ZNF618: variants seen among roughly 807,000 people sequenced by gnomAD.
ZNF618 encodes neural precursor cell expressed, developmentally down-regulated 10.
ZNF618 carries 34 observed loss-of-function variants against 103.0 expected under a neutral mutation model. The observed-to-expected ratio is 0.33, with a 90% CI of 0.25 to 0.44. ZNF618 has a LOEUF of 0.44. ZNF618 is among the 20% of genes least tolerant of loss of function. The probability of loss-of-function intolerance (pLI) is 1.00; values close to 1 mark genes in which losing one functional copy is unlikely to be tolerated. For missense variants in ZNF618, 1,059 were observed against 1,295.4 expected (o/e 0.82, Z 2.80); for synonymous variants, 551 against 542.2 (o/e 1.02, Z -0.23).
chr9:114,033,754 C>T (rs1844318948), intron 12 of ZNF618, among the ~76,000 whole-genome samples: 2 of 152,192 alleles, frequency 1.3e-5, no homozygotes, highest in Admixed American at 1.3e-4. Context: ...ATTGTGGTTA[C>T]ATTAGGGGAA....
At chr9:113,900,454 C>A (rs1452149667) in intron 1 of ZNF618, among the ~76,000 whole-genome samples, 1 of 152,172 alleles carries the variant, frequency 6.6e-6, no homozygotes, top group East Asian at 1.9e-4. Flanking sequence ...TACAGGGATT[C>A]TTTCCTTCAT....
At chr9:114,001,256 G>A (rs1182262270) in intron 4 of ZNF618, among the ~76,000 whole-genome samples, 2 of 148,898 alleles carry the variant, frequency 1.3e-5, no homozygotes, top group Non-Finnish European at 3.0e-5. Context: ...CCTGCTCCTG[G>A]GAGAAGGGCC....
chr9:113,993,103 T>C (rs574210346), intron 3 of ZNF618, among the ~76,000 whole-genome samples: 3 of 152,144 alleles, frequency 2.0e-5, no homozygotes, highest in Non-Finnish European at 4.4e-5. Context: ...CCTGCACCCA[T>C]CTGACAGGCT....
chr9:113,967,798 T>C (rs1214865822), intron 1 of ZNF618, among the ~76,000 whole-genome samples: 18 of 152,072 alleles, frequency 1.2e-4, no homozygotes, highest in Non-Finnish European at 2.9e-5. Context: ...GGCTGGGTGA[T>C]TATAAGGCAA....
chr9:114,030,781 G>T (rs1173945321), intron 11 of ZNF618: 1 of 152,196 alleles, frequency 6.6e-6, no homozygotes, highest in African/African-American at 2.4e-5. Flanking sequence ...TTTCACCTCT[G>T]GTGCTGCATG....
chr9:114,030,609 C>T (rs980058804), intron 11 of ZNF618, among the ~76,000 whole-genome samples: 2 of 152,158 alleles, frequency 1.3e-5, no homozygotes, highest in Admixed American at 1.3e-4. Context: ...GTAGGGGTCA[C>T]CTCTGGATTC....
intron 10 of ZNF618, among the ~76,000 whole-genome samples, chr9:114,026,905 C>A (rs1162803261): frequency 1.3e-5 from 2 of 152,014 alleles, no homozygotes; most frequent in Non-Finnish European, 2.9e-5. Flanking sequence ...GAGGTATAGT[C>A]TCCAAGATTG....
intron 1 of ZNF618, among the ~76,000 whole-genome samples, chr9:113,924,191 A>G (rs532363592): frequency 2.0e-5 from 3 of 152,058 alleles, no homozygotes; most frequent in East Asian, 1.9e-4. Context: ...AGTTTCCTTT[A>G]TATTAATAGA....
chr9:113,985,887 A>G (rs749800392), intron 2 of ZNF618, among the ~76,000 whole-genome samples: 1 of 152,252 alleles, frequency 6.6e-6, no homozygotes, highest in Non-Finnish European at 1.5e-5. Context: ...AGGAATTAGT[A>G]TGTTAGAACA....
rs1588481484 is a variant in ZNF618, at chr9:114,055,698, C to G, written c.*5531C>G. 2.9e-5 allele frequency: 4 copies of G among 136,008 alleles called. No homozygotes were observed. The highest frequency in any genetic ancestry group is 2.3e-4 in the Admixed American group (3 of 12,782). The allele number at this position is 136,008 out of a possible 1,614,324, so 8.4% of individuals were successfully genotyped here. ...TCTCTCTCTTTGAGTGCAAGAAACT[C>G]AAGTCATCTTAAAAAAAAAAAAATA... On this transcript the variant is annotated 3_prime_UTR_variant, in exon 15 of 15. Coordinates refer to ENST00000374126, the MANE Select transcript of ZNF618 (RefSeq NM_001318042.2).
intron 1 of ZNF618, among the ~76,000 whole-genome samples, chr9:113,953,667 A>T (rs1416208118): frequency 6.6e-6 from 1 of 152,238 alleles, no homozygotes; most frequent in African/African-American, 2.4e-5. Context: ...AAAAATCACT[A>T]AACAAATGTA....
At chr9:114,025,881 A>G (rs1372161916) in intron 10 of ZNF618, among the ~76,000 whole-genome samples, 2 of 152,202 alleles carry the variant, frequency 1.3e-5, no homozygotes, top group Non-Finnish European at 1.5e-5. Flanking sequence ...GGATTCCACA[A>G]TGTCTCTTGA....
intron 1 of ZNF618, among the ~76,000 whole-genome samples, chr9:113,897,576 T>G (rs1352788620): frequency 1.3e-5 from 2 of 152,220 alleles, no homozygotes; most frequent in African/African-American, 4.8e-5. Flanking sequence ...GTCCCATTGG[T>G]CTCATCTTTT....
At chr9:113,926,339 AC>A (rs1362180260) in intron 1 of ZNF618, among the ~76,000 whole-genome samples, 5 of 151,844 alleles carry the variant, frequency 3.3e-5, no homozygotes, top group African/African-American at 1.2e-4. Flanking sequence ...TGAGTATGAT[AC>A]GCTGGGATAC....
At chr9:114,024,744 C>T (rs1448661158) in intron 10 of ZNF618, among the ~76,000 whole-genome samples, 1 of 151,978 alleles carries the variant, frequency 6.6e-6, no homozygotes, top group Non-Finnish European at 1.5e-5. Context: ...ACCCCCATCC[C>T]CCATTAGCTG....
chr9:113,972,411 C>A (rs953179341), intron 2 of ZNF618, among the ~76,000 whole-genome samples: 1 of 152,034 alleles, frequency 6.6e-6, no homozygotes, highest in African/African-American at 2.4e-5. Context: ...CTTATTATTC[C>A]CACTTTACAG....
At chr9:114,000,588 C>T (rs1841097952) in intron 4 of ZNF618, among the ~76,000 whole-genome samples, 1 of 152,028 alleles carries the variant, frequency 6.6e-6, no homozygotes, top group Non-Finnish European at 1.5e-5. Context: ...GTTGGACCCC[C>T]CTGAGCTAAG....
intron 1 of ZNF618, among the ~76,000 whole-genome samples, chr9:113,921,846 A>G (rs1832678190): frequency 6.6e-6 from 1 of 152,264 alleles, no homozygotes; most frequent in South Asian, 2.1e-4. Flanking sequence ...ATCACTTCGG[A>G]TGCTTCCTTT....
rs558156479 is a variant in ZNF618, at chr9:113,883,027, C to T, written c.33+6614C>T. Reference sequence around the variant, plus strand: ...TAACATCTGTGAGGGTAGAGATCACCGGTTATTCATTTTAGGGTCTGGCGC... The same window carrying T: ...TAACATCTGTGAGGGTAGAGATCACTGGTTATTCATTTTAGGGTCTGGCGC... On this transcript the variant is annotated intron_variant, in intron 1 of 14. Coordinates refer to ENST00000374126, the MANE Select transcript of ZNF618 (RefSeq NM_001318042.2). 4.6e-5 allele frequency among the ~76,000 whole-genome samples: 7 copies of T among 152,278 alleles called. No homozygotes were observed. The South Asian group carries it at 1.2e-3, about 27-fold the overall frequency.
Sources: allele counts gnomAD v4.1 joint callset (sites outside exome capture counted in the v4.1 genomes callset), GRCh38; gene constraint gnomAD v4.1.1; transcripts MANE v1.5; gene names NCBI Gene and HGNC (gene_info 2026-07-23, HGNC 2026-07-21).